The following NAALADL2 variants were observed in gnomAD, a reference collection of about 807,000 sequenced individuals.
NAALADL2 encodes inactive N-acetylated-alpha-linked acidic dipeptidase-like protein 2.
In NAALADL2, 76 loss-of-function variants were observed where a neutral mutation model predicts 87.2. The ratio of observed to expected loss-of-function variants is 0.87; its 90% CI spans 0.72 to 1.05. The LOEUF is 1.05. NAALADL2 is among the 50% of genes least tolerant of loss of function. The pLI, the probability that NAALADL2 is intolerant of heterozygous loss-of-function variation, is 0.00. For missense variants in NAALADL2, 1,089 were observed against 945.8 expected (o/e 1.15, Z -1.99); for synonymous variants, 354 against 331.0 (o/e 1.07, Z -0.75).
intron 12 of NAALADL2, among the ~76,000 whole-genome samples, chr3:175,742,352 G>A (rs535959190): frequency 6.6e-6 from 1 of 152,282 alleles, no homozygotes; most frequent in South Asian, 2.1e-4. Flanking sequence ...ACAAGAGAAA[G>A]GCATACGAAT....
At chr3:175,641,663 C>A (rs1487782136) in intron 11 of NAALADL2, among the ~76,000 whole-genome samples, 2 of 152,194 alleles carry the variant, frequency 1.3e-5, no homozygotes, top group Admixed American at 1.3e-4. Context: ...CATTTCCTCA[C>A]CAGTTTCACA....
At chr3:175,567,652 T>G (rs747897790) in intron 9 of NAALADL2, among the ~76,000 whole-genome samples, 17 of 152,066 alleles carry the variant, frequency 1.1e-4, no homozygotes, top group Middle Eastern at 3.4e-3. Context: ...AAATCTTTGC[T>G]GAAACCCTGA....
At chr3:175,374,832 C>T (rs1766944177) in intron 5 of NAALADL2, among the ~76,000 whole-genome samples, 1 of 151,488 alleles carries the variant, frequency 6.6e-6, no homozygotes, top group Non-Finnish European at 1.5e-5. Context: ...TGTAATGACA[C>T]TACTGCACTC....
At position 175,568,019 on chromosome 3, in the gene NAALADL2, A is replaced by G. The variant is rs145482085; in HGVS notation, c.1654-8022A>G. 5.8e-3 allele frequency among the ~76,000 whole-genome samples: 876 copies of G among 152,132 alleles called. 7 individuals are homozygous for G. The highest frequency in any genetic ancestry group is 0.02 in the African/African-American group (839 of 41,544). The stretch of plus-strand genomic sequence containing the variant: ...GTGTGAGCCACTGCGCCCGGCCCCA[A>G]AAATTTCTATTTTATGATAAGATGA... On this transcript the variant is annotated intron_variant, in intron 9 of 13. Coordinates refer to ENST00000454872, the MANE Select transcript of NAALADL2 (RefSeq NM_207015.3).
intron 1 of NAALADL2, among the ~76,000 whole-genome samples, chr3:174,923,414 C>T (rs1379095854): frequency 2.0e-5 from 3 of 151,872 alleles, no homozygotes; most frequent in African/African-American, 7.3e-5. Flanking sequence ...GGAGAAGGGA[C>T]AGTATTCTTA....
rs1368687610 is a variant in NAALADL2, at chr3:175,693,350, T to C, written c.1897-43956T>C. ...GTGTTATTAATTTATTTGATATGGCTAAATTCCACCCCAAATCACATTGAT... is the reference window on the plus strand; with the variant it reads ...GTGTTATTAATTTATTTGATATGGCCAAATTCCACCCCAAATCACATTGAT... On this transcript the variant is annotated intron_variant, in intron 11 of 13. Transcript: ENST00000454872. Among the ~76,000 whole-genome samples the C allele has an allele frequency of 2.6e-5, 4 of 152,164 alleles. No individual in the cohort carries two copies. In the East Asian group the frequency reaches 7.7e-4, roughly 29 times the overall value.
chr3:174,896,603 A>G (rs924722907), intron 1 of NAALADL2, among the ~76,000 whole-genome samples: 2 of 152,228 alleles, frequency 1.3e-5, no homozygotes, highest in Non-Finnish European at 2.9e-5. Flanking sequence ...AAAGCACTTT[A>G]CAGATTCAAT....
chr3:175,675,042 T>TA (rs1314595923), intron 11 of NAALADL2: 2 of 151,838 alleles, frequency 1.3e-5, no homozygotes, highest in African/African-American at 4.8e-5. Context: ...AGGGCAATTA[T>TA]AAAAAACAGA....
intron 2 of NAALADL2, among the ~76,000 whole-genome samples, chr3:174,715,938 G>C (rs1731142881): frequency 6.6e-6 from 1 of 151,890 alleles, no homozygotes; most frequent in Admixed American, 6.6e-5. Context: ...AATATGAATG[G>C]CATAATTCAT....
chr3:175,096,939 C>T lies in NAALADL2; in HGVS notation c.193C>T (p.Gln65Ter). The change falls in exon 2 of 14, where the codon CAG becomes TAG. Residue 65 changes from glutamine to a stop codon, truncating the protein, a stop_gained. Transcript: ENST00000454872. LOFTEE classifies it high-confidence loss of function. ...ELEESGFDQF[Q>*]LDGAENQNLG... ...AGAGGAGTCTGGTTTTGACCAATTCCAGCTAGACGGTGCTGAGAATCAGAA... is the reference window on the plus strand; with the variant it reads ...AGAGGAGTCTGGTTTTGACCAATTCTAGCTAGACGGTGCTGAGAATCAGAA... The T allele has an allele frequency of 1.2e-6, 2 of 1,613,298 alleles. No individual in the cohort carries two copies. Among genetic ancestry groups the T allele is most frequent in the South Asian group, 1.1e-5 (1 of 91,062 alleles).
intron 12 of NAALADL2, among the ~76,000 whole-genome samples, chr3:175,745,824 A>C (rs1383919563): frequency 1.3e-5 from 2 of 152,200 alleles, no homozygotes; most frequent in African/African-American, 4.8e-5. Flanking sequence ...GATGCTCCTC[A>C]CCTTACCCAC....
At chr3:175,357,705 G>T (rs1241431824) in intron 5 of NAALADL2, among the ~76,000 whole-genome samples, 1 of 152,114 alleles carries the variant, frequency 6.6e-6, no homozygotes, top group Non-Finnish European at 1.5e-5. Context: ...GAAATATGGA[G>T]AATTATGCAT....
chr3:175,367,225 A>C (rs78619196), intron 5 of NAALADL2, among the ~76,000 whole-genome samples: 1 of 150,972 alleles, frequency 6.6e-6, no homozygotes, highest in Non-Finnish European at 1.5e-5. Flanking sequence ...CTATATCTCT[A>C]TTTTGGTACC....
intron 2 of NAALADL2, among the ~76,000 whole-genome samples, chr3:175,197,555 A>G (rs1007929300): frequency 1.3e-5 from 2 of 152,030 alleles, no homozygotes; most frequent in African/African-American, 4.8e-5. Flanking sequence ...TCAACTGTGT[A>G]TATGGTTGAG....
At chr3:174,717,251 A>G (rs758729765) in intron 2 of NAALADL2, among the ~76,000 whole-genome samples, 1 of 152,054 alleles carries the variant, frequency 6.6e-6, no homozygotes, top group Non-Finnish European at 1.5e-5. Flanking sequence ...TATTTTTTTA[A>G]TTGTGTCAAG....
rs186741791 is a variant in NAALADL2 at position 174,724,323 on chromosome 3, G to A, written c.-114-13318G>A. The stretch of plus-strand genomic sequence containing the variant: ...TATCTAAAGATATGCCATATGCTGG[G>A]TAAACTTATGTGCTTTTATATTTTG... On this transcript the variant is annotated intron_variant, in intron 2 of 3. Transcript: ENST00000434257. Among the ~76,000 whole-genome samples the A allele has an allele frequency of 1.2e-3, 187 of 152,220 alleles. 1 individual carries two copies. The highest frequency in any genetic ancestry group is 2.4e-3 in the Admixed American group (36 of 15,294).
intron 11 of NAALADL2, among the ~76,000 whole-genome samples, chr3:175,645,889 T>C (rs1023803429): frequency 1.3e-5 from 2 of 152,142 alleles, no homozygotes; most frequent in African/African-American, 2.4e-5. Flanking sequence ...ACTGACTCTA[T>C]TGATTTTCAC....
At chr3:175,402,562 A>T (rs1711523206) in intron 5 of NAALADL2, among the ~76,000 whole-genome samples, 1 of 152,122 alleles carries the variant, frequency 6.6e-6, no homozygotes, top group African/African-American at 2.4e-5. Flanking sequence ...ATAATCTATA[A>T]TTATATAAAC....
At chr3:174,998,215 G>A (rs1448508585) in intron 1 of NAALADL2, among the ~76,000 whole-genome samples, 5 of 152,272 alleles carry the variant, frequency 3.3e-5, no homozygotes, top group East Asian at 3.9e-4. Flanking sequence ...TCACGACAGT[G>A]TACAAGGATA....
Sources: allele counts gnomAD v4.1 joint callset (sites outside exome capture counted in the v4.1 genomes callset), GRCh38; gene constraint gnomAD v4.1.1; transcripts MANE v1.5; gene names NCBI Gene and HGNC (gene_info 2026-07-23, HGNC 2026-07-21).